Variants in DLG2 observed in about 807,000 individuals in gnomAD.
DLG2 encodes the protein discs large MAGUK scaffold protein 2, also known as disks large homolog 2.
DLG2 carries 45 observed loss-of-function variants against 132.5 expected under a neutral mutation model. The ratio of observed to expected loss-of-function variants is 0.34; its 90% CI spans 0.27 to 0.44. DLG2 has a LOEUF of 0.44. Among genes scored for constraint, DLG2 ranks in the 20% least tolerant of loss-of-function variants. The pLI is 1.00. For synonymous variants in DLG2, 424 were observed against 419.6 expected, an observed-to-expected ratio of 1.01 and a Z score of -0.13; for missense variants, 1,045 against 1,196.9, an observed-to-expected ratio of 0.87 and a Z score of 1.87.
intron 15 of DLG2, among the ~76,000 whole-genome samples, chr11:83,889,672 C>A (rs1276464128): frequency 6.6e-6 from 1 of 151,936 alleles, no homozygotes; most frequent in Non-Finnish European, 1.5e-5. Context: ...ATGTTTATTT[C>A]GGCACTATTC....
At chr11:83,507,468 C>A (rs1272225732) in intron 21 of DLG2, among the ~76,000 whole-genome samples, 6 of 114,270 alleles carry the variant, frequency 5.3e-5, no homozygotes, top group Admixed American at 4.4e-4. Context: ...ATATATATAC[C>A]CTATATATAT....
At chr11:83,778,693 C>A (rs935751109) in intron 18 of DLG2, among the ~76,000 whole-genome samples, 1 of 152,070 alleles carries the variant, frequency 6.6e-6, no homozygotes, top group Middle Eastern at 3.2e-3. Flanking sequence ...GTGATACCTG[C>A]TTTTGTCCTT....
chr11:84,736,363 A>T (rs1172648722), intron 6 of DLG2, among the ~76,000 whole-genome samples: 1 of 151,596 alleles, frequency 6.6e-6, no homozygotes, highest in Non-Finnish European at 1.5e-5. Context: ...TCTCCTAGGT[A>T]CTTTAAATTT....
chr11:85,525,619 A>C (rs1248942752), intron 3 of DLG2, among the ~76,000 whole-genome samples: 1 of 152,232 alleles, frequency 6.6e-6, no homozygotes, highest in East Asian at 1.9e-4. Flanking sequence ...ACAAGTAAAA[A>C]TATGAGCAAA....
chr11:84,988,386 T>C (rs1029680121), intron 6 of DLG2, among the ~76,000 whole-genome samples: 4 of 152,140 alleles, frequency 2.6e-5, no homozygotes, highest in African/African-American at 9.7e-5. Flanking sequence ...GGAAAAGAAG[T>C]CGTTATATGA....
At chr11:85,509,300 C>T (rs1055320238) in intron 3 of DLG2, among the ~76,000 whole-genome samples, 3 of 152,018 alleles carry the variant, frequency 2.0e-5, no homozygotes, top group Non-Finnish European at 1.5e-5. Flanking sequence ...AAACCAAAAG[C>T]TTAAAATCAT....
intron 7 of DLG2, among the ~76,000 whole-genome samples, chr11:84,420,650 CTTTTTTTTTTTTTTTTTTTTTT>C (rs768420271): frequency 1.4e-4 from 6 of 42,208 alleles, no homozygotes; most frequent in South Asian, 1.1e-3. Flanking sequence ...TGCTTGTTTT[CTTTTTTTTTTTTTTTTTTTTTT>C]TTTTTTTTTT....
At chr11:84,253,238 G>C (rs1248132233) in intron 7 of DLG2, among the ~76,000 whole-genome samples, 2 of 152,070 alleles carry the variant, frequency 1.3e-5, no homozygotes, top group Non-Finnish European at 2.9e-5. Context: ...AGAAGACATG[G>C]GCTCAAGGTT....
At chr11:84,900,448 C>T (rs2090746288) in intron 6 of DLG2, among the ~76,000 whole-genome samples, 2 of 151,980 alleles carry the variant, frequency 1.3e-5, no homozygotes, top group African/African-American at 4.8e-5. Context: ...TACTTTTACT[C>T]TTTTGGGGGA....
In DLG2 at chr11:83,457,723, A is replaced by AACTT. The variant is rs2135884695; in HGVS notation, c.*2091_*2094dup. 1 of 152,568 alleles carries AACTT rather than the reference A, an allele frequency of 6.6e-6. No homozygotes were observed. The highest frequency in any genetic ancestry group is 1.9e-4 in the East Asian group (1 of 5,188). 9.5% of individuals were successfully genotyped at this position (152,568 alleles called of 1,614,324 possible). On this transcript the variant is annotated 3_prime_UTR_variant, in exon 28 of 28. Transcript: ENST00000376104. ...CAGGAATGGCATTCTGGTGTCAGAA[A>AACTT]ACTTCTGGGAGCAATATTGATGAAA...
At chr11:84,794,855 G>C (rs1021593472) in intron 6 of DLG2, among the ~76,000 whole-genome samples, 1 of 152,238 alleles carries the variant, frequency 6.6e-6, no homozygotes, top group Admixed American at 6.5e-5. Flanking sequence ...AGGATGCCGA[G>C]GTGGGGCTGA....
rs112705387 is a variant in DLG2, at chr11:85,043,606, T to G, written c.357+68055A>C. Among the ~76,000 whole-genome samples, 829 of 152,016 alleles carry G rather than the reference T, an allele frequency of 5.5e-3. 7 individuals carry two copies. The highest frequency in any genetic ancestry group is 0.019 in the African/African-American group (784 of 41,540). ...AATACATGGATCTCTAATTTCCAAT[T>G]TAGAGAATTTTAGCTTAAAAAGCAA... is the stretch of plus-strand genomic sequence containing the variant. On this transcript the variant is annotated intron_variant, in intron 6 of 27. Coordinates refer to ENST00000376104, the MANE Select transcript of DLG2 (RefSeq NM_001142699.3).
intron 3 of DLG2, among the ~76,000 whole-genome samples, chr11:85,296,467 CTT>C (rs66526147): frequency 0.046 from 5,549 of 121,508 alleles, 182 homozygotes; most frequent in Admixed American, 0.059. Flanking sequence ...TTTCGATTTT[CTT>C]TTTTTTTTTT....
chr11:84,776,832 TAGA>T (rs1421777053), intron 6 of DLG2, among the ~76,000 whole-genome samples: 1 of 152,180 alleles, frequency 6.6e-6, no homozygotes, highest in African/African-American at 2.4e-5. Context: ...TTTCCAGCTA[TAGA>T]AGATTAGGGA....
chr11:83,606,177 C>CT (rs991967333), intron 19 of DLG2, among the ~76,000 whole-genome samples: 1 of 152,116 alleles, frequency 6.6e-6, no homozygotes, highest in Non-Finnish European at 1.5e-5. Context: ...GATTTAAGCT[C>CT]TTAGGAACCA....
intron 6 of DLG2, among the ~76,000 whole-genome samples, chr11:85,003,792 TATATGTGTCATGGTGGTTTGCTGCACCC>T (rs1444778920): frequency 1.3e-5 from 2 of 152,144 alleles, no homozygotes; most frequent in Admixed American, 6.5e-5. Flanking sequence ...TACATAGGTA[TATATGTGTCATGGTGGTTTGCTGCACCC>T]ATCAACCTGT....
intron 3 of DLG2, among the ~76,000 whole-genome samples, chr11:85,553,035 T>C (rs1434034609): frequency 6.6e-6 from 1 of 151,740 alleles, no homozygotes; most frequent in Non-Finnish European, 1.5e-5. Context: ...ATACATTGAA[T>C]GCAACAGAAA....
At chr11:85,603,362 T>C (rs2080296519) in intron 2 of DLG2, among the ~76,000 whole-genome samples, 1 of 152,126 alleles carries the variant, frequency 6.6e-6, no homozygotes, top group Non-Finnish European at 1.5e-5. Flanking sequence ...TGATCAACAA[T>C]ACAATAATTA....
Position 84,424,318 on chromosome 11 carries a change from T to C in DLG2, c.519+110252A>G, listed in dbSNP as rs372041477. Among the ~76,000 whole-genome samples, 10 of 152,188 alleles carry C rather than the reference T, an allele frequency of 6.6e-5. No homozygotes were observed. The South Asian group carries it at 1.5e-3, about 22-fold the overall frequency. On this transcript the variant is annotated intron_variant, in intron 7 of 27. Coordinates refer to ENST00000376104, the MANE Select transcript of DLG2 (RefSeq NM_001142699.3). ...CATGTGATTACAAAGTTGTTCAAAA[T>C]AGTCCTACTACAGGTCAAAATCAGA...
Sources: gnomAD v4.1 joint callset for allele counts (sites outside exome capture counted in the v4.1 genomes callset) on GRCh38, gnomAD v4.1.1 for gene constraint, MANE v1.5 for transcripts, NCBI Gene and HGNC (gene_info 2026-07-23, HGNC 2026-07-21) for gene names.